Variants in MAP1A observed in about 807,000 individuals in gnomAD.
MAP1A encodes the protein microtubule associated protein 1A.
MAP1A carries 42 observed loss-of-function variants against 185.9 expected under a neutral mutation model. That is an observed-to-expected ratio of 0.23 (90% CI 0.18 to 0.29). The LOEUF (loss-of-function observed/expected upper bound fraction) is 0.29. Among genes scored for constraint, MAP1A ranks in the 10% least tolerant of loss-of-function variants. The probability of loss-of-function intolerance (pLI) is 1.00; values close to 1 mark genes in which losing one functional copy is unlikely to be tolerated. For synonymous variants in MAP1A, 1,229 were observed against 1,335.9 expected (o/e 0.92, Z 1.74); for missense variants, 2,995 against 3,450.4 (o/e 0.87, Z 3.31).
Position 43,529,467 on chromosome 15 carries a change from C to G in MAP1A, c.7994C>G (p.Pro2665Arg). 1 of 1,612,520 alleles carries G rather than the reference C, an allele frequency of 6.2e-7. No individual in the cohort carries two copies. Among genetic ancestry groups the G allele is most frequent in the East Asian group, 2.2e-5 (1 of 44,862 alleles). ...TPAEEKDGHS[P>R]MSKGLVNGLK... ...GCAGAGGAAAAGGATGGACACAGCC[C>G]CATGTCCAAAGGCCTAGTCAATGGA... Residue 2665 changes from proline (P) to arginine (R), a missense_variant, in exon 4 of 6, where the codon CCC becomes CGC. By Grantham distance (103) the Pro-to-Arg change is moderately radical (BLOSUM62 -2). Around this residue, in one of 3 missense-constraint regions of MAP1A, gnomAD observed 2,728 missense variants for 2,986.0 expected, o/e 0.91. Coordinates refer to ENST00000300231, the MANE Select transcript of MAP1A (RefSeq NM_002373.6). The surrounding 1 kb of genome is among the most constrained non-coding windows in gnomAD (Gnocchi z 4.3).
Position 43,525,309 on chromosome 15 carries a change from T to G in MAP1A, c.3836T>G (p.Ile1279Ser). 1 of 1,614,102 alleles carries G rather than the reference T, an allele frequency of 6.2e-7. No individual in the cohort carries two copies. Among genetic ancestry groups the G allele is most frequent in the Non-Finnish European group, 8.5e-7 (1 of 1,180,028 alleles). Residue 1279 changes from isoleucine (I) to serine (S), a missense_variant, in exon 4 of 6, where the codon ATC (isoleucine) becomes AGC (serine). Physicochemically the swap from Ile to Ser is moderately radical, Grantham distance 142. This residue lies in a region of MAP1A where 2,728 missense variants were observed against 2,986.0 expected (regional missense o/e 0.91). Coordinates refer to ENST00000300231, the MANE Select transcript of MAP1A (RefSeq NM_002373.6). ...GTTRYSAQTD[I>S]TDDSLDRKSP... ...ACTCGATACTCTGCACAGACAGACA[T>G]CACAGATGACAGCCTTGACAGGAAG...
chr15:43,518,017 T>C (rs1351123184), intron 1 of MAP1A, among the ~76,000 whole-genome samples: 1 of 152,042 alleles, frequency 6.6e-6, no homozygotes, highest in African/African-American at 2.4e-5. Context: ...TGGAGGAGTT[T>C]GGGGGCTATG....
Position 43,530,974 on chromosome 15 carries a change from C to G in MAP1A, c.*750C>G. 1 of 152,832 alleles carries G rather than the reference C, an allele frequency of 6.5e-6. No individual in the cohort carries two copies. The highest frequency in any genetic ancestry group is 1.9e-4 in the East Asian group (1 of 5,206). 9.5% of individuals were successfully genotyped at this position (152,832 alleles called of 1,614,324 possible). ...GCCCCAATGCCAGAATTCTTCCAAA[C>G]TCCCTGACTCTTTGAAGTTTTTACT... On this transcript the variant is annotated 3_prime_UTR_variant, in exon 6 of 6. Coordinates refer to ENST00000300231, the MANE Select transcript of MAP1A (RefSeq NM_002373.6).
Position 43,521,857 on chromosome 15 carries a change from C to G in MAP1A, c.384C>G (p.Ile128Met). ...SSYSDWVKNL[I>M]SPELGVVFFN... ...ACAGCGACTGGGTGAAGAACCTTAT[C>G]TCTCCTGAGCTTGGAGTTGTCTTTT... Residue 128 changes from isoleucine (I) to methionine (M), a missense_variant, in exon 4 of 6, where the codon ATC becomes ATG. Around this residue, in one of 3 missense-constraint regions of MAP1A, gnomAD observed 264 missense variants for 435.3 expected, o/e 0.61. Coordinates refer to ENST00000300231, the MANE Select transcript of MAP1A (RefSeq NM_002373.6). The surrounding 1 kb of genome is among the most constrained non-coding windows in gnomAD (Gnocchi z 4.6). 1.2e-6 allele frequency: 2 copies of G among 1,614,234 alleles called. No homozygotes were observed. The highest frequency in any genetic ancestry group is 1.7e-6 in the Non-Finnish European group (2 of 1,180,032).
rs764739030 is a variant in MAP1A at position 43,528,621 on chromosome 15, C to T, written c.7148C>T (p.Ala2383Val). The change falls in exon 4 of 6, where the codon GCG becomes GTG. Residue 2383 changes from alanine to valine, a missense_variant. Physicochemically the swap from Ala to Val is moderately conservative, Grantham distance 64. Around this residue, in one of 3 missense-constraint regions of MAP1A, gnomAD observed 2,728 missense variants for 2,986.0 expected, o/e 0.91. Transcript: ENST00000300231. ...GCCAAGGCTGAAAATGAAGAGGCTG[C>T]GGCTTGCCCTGCCTGGGAACGTGGG... ...APAKAENEEA[A>V]ACPAWERGAW... is the part of the protein sequence containing the mutation. 1.2e-5 allele frequency: 20 copies of T among 1,613,362 alleles called. No homozygotes were observed. Among genetic ancestry groups the T allele is most frequent in the South Asian group, 2.2e-5 (2 of 91,086 alleles).
rs369269035 is a variant in MAP1A at position 43,524,270 on chromosome 15, T to C, written c.2797T>C (p.Ser933Pro). The C allele has an allele frequency of 2.8e-5, 45 of 1,613,992 alleles. No individual in the cohort carries two copies. The highest frequency in any genetic ancestry group is 3.5e-5 in the Non-Finnish European group (41 of 1,179,996). Reference sequence around the variant, plus strand: ...AGGAGAGATCATAGGGAAAGGCTTGTCTGGAGAGAGAGCTGTGGAAGAGGA... The same window carrying C: ...AGGAGAGATCATAGGGAAAGGCTTGCCTGGAGAGAGAGCTGTGGAAGAGGA... Reference protein sequence around the residue: ...KRGEIIGKGLSGERAVEEEEE... With the variant: ...KRGEIIGKGLPGERAVEEEEE... Residue 933 changes from serine (S) to proline (P), a missense_variant, in exon 4 of 6, where the codon TCT becomes CCT. Transcript: ENST00000300231.
chr15:43,523,676 A>G lies in MAP1A; in HGVS notation c.2203A>G (p.Ile735Val). 1 of 1,614,004 alleles carries G rather than the reference A, an allele frequency of 6.2e-7. No homozygotes were observed. Among genetic ancestry groups the G allele is most frequent in the Non-Finnish European group, 8.5e-7 (1 of 1,179,932 alleles). The stretch of plus-strand genomic sequence containing the variant: ...AGGAGCCACTGAGCATGTCTCTTAC[A>G]TCCAGGATGAGACAATCCCTGGCTA... ...PAGATEHVSY[I>V]QDETIPGYSE... Residue 735 changes from isoleucine (I) to valine (V), a missense_variant, in exon 4 of 6, where the codon ATC (isoleucine) becomes GTC (valine). Coordinates refer to ENST00000300231, the MANE Select transcript of MAP1A (RefSeq NM_002373.6).
chr15:43,511,348 G>GCC, intron 1 of MAP1A: 1 of 736,452 alleles, frequency 1.4e-6, no homozygotes, highest in Non-Finnish European at 2.3e-6. Context: ...TGAGATCTGC[G>GCC]CCCTTGTCAC....
chr15:43,518,358 C>T (rs1016398142), intron 1 of MAP1A, among the ~76,000 whole-genome samples: 2 of 152,072 alleles, frequency 1.3e-5, no homozygotes, highest in African/African-American at 4.8e-5. Flanking sequence ...CGGAGAACTC[C>T]CTCCCCAGCG....
chr15:43,530,368 A>G lies in MAP1A; in HGVS notation c.*144A>G. On this transcript the variant is annotated 3_prime_UTR_variant, in exon 6 of 6. Coordinates refer to ENST00000300231, the MANE Select transcript of MAP1A (RefSeq NM_002373.6). ...GTTGTGGGGACTTGGGCTGGGCTAA[A>G]TGGGAGGGGTTGTCCCTCCCCATCA... 9.9e-7 allele frequency: 1 copy of G among 1,012,180 alleles called. No homozygotes were observed. Among genetic ancestry groups the G allele is most frequent in the Non-Finnish European group, 1.4e-6 (1 of 702,662 alleles). The allele number at this position is 1,012,180 out of a possible 1,614,324, so 62.7% of individuals were successfully genotyped here. A position where few individuals can be genotyped will look rare whatever the true frequency, so the allele number is the denominator to read the frequency against.
Position 43,530,168 on chromosome 15 carries a change from A to G in MAP1A, c.8356A>G (p.Ser2786Gly), listed in dbSNP as rs748937862. The G allele has an allele frequency of 6.2e-7, 1 of 1,614,170 alleles. No homozygotes were observed. Among genetic ancestry groups the G allele is most frequent in the East Asian group, 2.2e-5 (1 of 44,884 alleles). Residue 2786 changes from serine (S) to glycine (G), a missense_variant, in exon 6 of 6, where the codon AGC becomes GGC. Ser to Gly is a moderately conservative substitution (Grantham distance 56, BLOSUM62 0). Transcript: ENST00000300231. ...ACTGAATGTCCTGGTCCTGGCTAGC[A>G]GCAGCACCGTGGTGATGCAGGATGA... ...QQLNVLVLAS[S>G]STVVMQDESF...
rs2079328779 is a variant in MAP1A at position 43,523,479 on chromosome 15, A to C, written c.2006A>C (p.Glu669Ala). 1 of 1,614,074 alleles carries C rather than the reference A, an allele frequency of 6.2e-7. No homozygotes were observed. The part of the protein sequence containing the change: ...EEMEEVHPSD[E>A]EEEDATKAEG... ...ATGGAGGAGGTACACCCTTCAGATG[A>C]GGAGGAAGAGGACGCGACAAAAGCT... The change falls in exon 4 of 6, where the codon GAG becomes GCG. Residue 669 changes from glutamate (E) to alanine (A), a missense_variant. Transcript: ENST00000300231.
chr15:43,517,025 G>A (rs142247887), upstream of MAP1A, among the ~76,000 whole-genome samples: 16 of 152,264 alleles, frequency 1.1e-4, no homozygotes, highest in Non-Finnish European at 2.1e-4. Context: ...GGGACCATGT[G>A]TCCACTCCGG....
chr15:43,513,250 C>T (rs1462058832), upstream of MAP1A, among the ~76,000 whole-genome samples: 1 of 151,980 alleles, frequency 6.6e-6, no homozygotes, highest in Non-Finnish European at 1.5e-5. Flanking sequence ...TCGCTTGAAC[C>T]CGGGAGGCAG....
In MAP1A at chr15:43,521,239, A is replaced by G; in HGVS notation, c.-150-85A>G. The G allele has an allele frequency of 1.4e-6, 2 of 1,479,534 alleles. No homozygotes were observed. Among genetic ancestry groups the G allele is most frequent in the Middle Eastern group, 1.9e-4 (1 of 5,202 alleles). The allele number at this position is 1,479,534 out of a possible 1,614,324, so 91.7% of individuals were successfully genotyped here. On this transcript the variant is annotated intron_variant, in intron 3 of 5. Transcript: ENST00000300231. This position sits in a 1 kb window ranked among gnomAD's most constrained non-coding sequence, Gnocchi z 4.6. ...AGAAAGGTAAGAGTCCACCTTGGAA[A>G]GAGGTGAAGATTAGGGTACTGAATC...
chr15:43,525,153 T>C lies in MAP1A; in HGVS notation c.3680T>C (p.Phe1227Ser), dbSNP rs369900235. The change falls in exon 4 of 6, where the codon TTT becomes TCT. Residue 1227 changes from phenylalanine to serine, a missense_variant. Phe to Ser is a radical substitution (Grantham distance 155). Transcript: ENST00000300231. ...LSPESLGTLQFGELNLGKEEM... is the reference protein window; with the variant it reads ...LSPESLGTLQSGELNLGKEEM... ...CCAGAAAGCCTTGGCACCCTCCAGT[T>C]TGGGGAACTAAACCTTGGGAAGGAA... The C allele has an allele frequency of 1.9e-6, 3 of 1,614,040 alleles. No homozygotes were observed. In the African/African-American group the frequency reaches 4.0e-5, roughly 22 times the overall value.
rs1368709575 is a variant in MAP1A at position 43,525,813 on chromosome 15, A to G, written c.4340A>G (p.Asp1447Gly). Residue 1447 changes from aspartate (D) to glycine (G), a missense_variant, in exon 4 of 6, where the codon GAT becomes GGT. Physicochemically the swap from Asp to Gly is moderately conservative, Grantham distance 94. Around this residue, in one of 3 missense-constraint regions of MAP1A, gnomAD observed 2,728 missense variants for 2,986.0 expected, o/e 0.91. Coordinates refer to ENST00000300231, the MANE Select transcript of MAP1A (RefSeq NM_002373.6). The stretch of plus-strand genomic sequence containing the variant: ...AAAGACAAGGCCCTGGAACAGAAGG[A>G]TAAGATTCCAGAAGAGAAAGACAAA... The part of the protein sequence containing the change: ...EEKDKALEQK[D>G]KIPEEKDKAL... 1.9e-6 allele frequency: 3 copies of G among 1,613,204 alleles called. No individual in the cohort carries two copies. Among genetic ancestry groups the G allele is most frequent in the East Asian group, 2.2e-5 (1 of 44,808 alleles).
chr15:43,521,418 C>G lies in MAP1A; in HGVS notation c.-56C>G. 6.2e-7 allele frequency: 1 copy of G among 1,614,108 alleles called. No individual in the cohort carries two copies. The highest frequency in any genetic ancestry group is 8.5e-7 in the Non-Finnish European group (1 of 1,180,026). ...GGTGATTGGAGCCACCTGGGATTAT[C>G]CAGTTCCCAAGAGACCCTGCACCTC... On this transcript the variant is annotated 5_prime_UTR_variant, in exon 4 of 6. It adds an upstream start codon to the 5' untranslated region. Coordinates refer to ENST00000300231, the MANE Select transcript of MAP1A (RefSeq NM_002373.6). This position sits in a 1 kb window ranked among gnomAD's most constrained non-coding sequence, Gnocchi z 4.6.
rs2079353211 is a variant in MAP1A, at chr15:43,527,960, T to G, written c.6487T>G (p.Phe2163Val). ...HLGPARPSLD[F>V]PASAFGFSSL... is the part of the protein sequence containing the mutation. ...GGGGCCTGCCCGACCCAGTCTGGAC[T>G]TCCCTGCTTCAGCCTTTGGCTTCTC... The change falls in exon 4 of 6, where the codon TTC (phenylalanine) becomes GTC (valine). Residue 2163 changes from phenylalanine (F) to valine (V), a missense_variant. Phe to Val is a conservative substitution (Grantham distance 50). This residue lies in a region of MAP1A where 2,728 missense variants were observed against 2,986.0 expected (regional missense o/e 0.91). Transcript: ENST00000300231. 2 of 1,613,984 alleles carry G rather than the reference T, an allele frequency of 1.2e-6. No homozygotes were observed. The highest frequency in any genetic ancestry group is 1.7e-6 in the Non-Finnish European group (2 of 1,180,034).
Sources: gnomAD v4.1 joint callset for allele counts (sites outside exome capture counted in the v4.1 genomes callset) on GRCh38, gnomAD v4.1.1 for gene constraint, gnomAD v4.1.1 regional missense constraint, Gnocchi (gnomAD v3.1) non-coding constraint, MANE v1.5 for transcripts, NCBI Gene and HGNC (gene_info 2026-07-23, HGNC 2026-07-21) for gene names.